SEMA4B: variants seen among roughly 807,000 people sequenced by gnomAD.
SEMA4B encodes semaphorin 4B.
In SEMA4B, 55 loss-of-function variants were observed where a neutral mutation model predicts 88.1. The observed-to-expected ratio is 0.62, with a 90% CI of 0.50 to 0.78. The LOEUF is 0.78. SEMA4B is among the 30% of genes least tolerant of loss of function. The pLI, the probability that SEMA4B is intolerant of heterozygous loss-of-function variation, is 0.00. For synonymous variants in SEMA4B, 525 were observed against 473.6 expected (o/e 1.11, Z -1.41); for missense variants, 1,062 against 1,111.9 (o/e 0.96, Z 0.64).
chr15:90,217,557 A>G lies in SEMA4B; in HGVS notation c.276A>G (p.Ala92=), dbSNP rs370378208. The G allele has an allele frequency of 5.6e-6, 9 of 1,613,822 alleles. No homozygotes were observed. The highest frequency in any genetic ancestry group is 1.3e-5 in the African/African-American group (1 of 74,892). Residue 92 remains alanine (A), a synonymous_variant, in exon 2 of 14, where the codon GCA becomes GCG. Transcript: ENST00000411539. ...LYVGAREALF[A]LSSNLSFLPG... ...TGGGTGCTCGAGAGGCCCTCTTTGC[A>G]CTCAGTAGCAACCTCAGCTTCCTGC...
chr15:90,186,934 A>T (rs1960183480), intron 1 of SEMA4B, among the ~76,000 whole-genome samples: 1 of 152,134 alleles, frequency 6.6e-6, no homozygotes. Flanking sequence ...CTCCGTCTCA[A>T]AAAATAATAA....
At chr15:90,198,218 G>A (rs899216701), upstream of SEMA4B, among the ~76,000 whole-genome samples, 5 of 152,042 alleles carry the variant, frequency 3.3e-5, no homozygotes, top group African/African-American at 1.2e-4. Context: ...CGCCTGGCTG[G>A]TAAAACTCTT....
intron 1 of SEMA4B, among the ~76,000 whole-genome samples, chr15:90,205,992 A>C (rs1259149730): frequency 6.6e-6 from 1 of 152,146 alleles, no homozygotes; most frequent in East Asian, 1.9e-4. Flanking sequence ...CTTCAGCACA[A>C]CCCACATCCA....
At chr15:90,208,731 CTTAA>C (rs956029993) in intron 1 of SEMA4B, among the ~76,000 whole-genome samples, 17 of 149,804 alleles carry the variant, frequency 1.1e-4, no homozygotes, top group African/African-American at 4.2e-4. Flanking sequence ...ACCTGTCATA[CTTAA>C]TTCTTTTTTT....
At chr15:90,211,987 C>G (rs1961290744) in intron 1 of SEMA4B, among the ~76,000 whole-genome samples, 1 of 152,068 alleles carries the variant, frequency 6.6e-6, no homozygotes, top group Non-Finnish European at 1.5e-5. Flanking sequence ...AGCTAGCTGG[C>G]TGGCCTGGGG....
rs374033545 is a variant in SEMA4B at position 90,225,080 on chromosome 15, G to T, written c.1307G>T (p.Arg436Leu). The T allele has an allele frequency of 4.0e-5, 64 of 1,613,714 alleles. No individual in the cohort carries two copies. In the Middle Eastern group the frequency reaches 1.3e-3, roughly 33 times the overall value. The change falls in exon 10 of 14, where the codon CGC becomes CTC. Residue 436 changes from arginine to leucine, a missense_variant. Coordinates refer to ENST00000411539, the MANE Select transcript of SEMA4B (RefSeq NM_198925.4). ...HFLMDGQVRS[R>L]MLLLQPQARY... ...CTGATGGACGGGCAGGTCCGAAGCC[G>T]CATGCTGCTGCTGCAGCCCCAGGCT...
rs898527487 is a variant in SEMA4B, at chr15:90,219,908, C to T, written c.483+17C>T. The T allele has an allele frequency of 5.7e-6, 9 of 1,590,666 alleles. No homozygotes were observed. Among genetic ancestry groups the T allele is most frequent in the African/African-American group, 2.7e-5 (2 of 74,488 alleles). ...ACCTACATCGTGAGTGACCTGTCCT[C>T]AGCCCTGAGGCTGACCTGGGAACTG... On this transcript the variant is annotated intron_variant, in intron 4 of 13. Coordinates refer to ENST00000411539, the MANE Select transcript of SEMA4B (RefSeq NM_198925.4).
At chr15:90,209,885 G>T (rs1194438219) in intron 1 of SEMA4B, among the ~76,000 whole-genome samples, 1 of 152,184 alleles carries the variant, frequency 6.6e-6, no homozygotes, top group East Asian at 1.9e-4. Context: ...CGAACCAAGA[G>T]GTGGGTGGGT....
chr15:90,194,720 T>G (rs1002262525), intron 1 of SEMA4B, among the ~76,000 whole-genome samples: 1 of 152,114 alleles, frequency 6.6e-6, no homozygotes, highest in Non-Finnish European at 1.5e-5. Context: ...TTTTGTTTAA[T>G]CACTCAAAAT....
chr15:90,192,065 G>A (rs1960360382), intron 1 of SEMA4B: 1 of 152,938 alleles, frequency 6.5e-6, no homozygotes, highest in Admixed American at 6.5e-5. Context: ...CAAGGGGATG[G>A]TGGTGGGGGG....
chr15:90,225,883 G>C (rs994651282), intron 12 of SEMA4B, 56 bp downstream of exon 12: 51 of 1,394,648 alleles, frequency 3.7e-5, no homozygotes, highest in Non-Finnish European at 4.6e-5. Context: ...GGTGACCTCG[G>C]AGCACCATCC....
upstream of SEMA4B, chr15:90,201,186 G>A (rs1960694028): frequency 7.8e-6 from 3 of 385,756 alleles, no homozygotes; most frequent in Non-Finnish European, 1.1e-5. Flanking sequence ...CGGCCGCCGG[G>A]GCTACTGATC....
At chr15:90,221,878 T>G in intron 7 of SEMA4B, 113 bp downstream of exon 7, 1 of 923,040 alleles carries the variant, frequency 1.1e-6, no homozygotes, top group Non-Finnish European at 1.6e-6. Flanking sequence ...GAGTACAGCT[T>G]GGCTAACAGC....
At chr15:90,223,198 G>A (rs1388595715) in intron 7 of SEMA4B, among the ~76,000 whole-genome samples, 1 of 151,878 alleles carries the variant, frequency 6.6e-6, no homozygotes, top group Admixed American at 6.6e-5. Flanking sequence ...ACCCGCCTTG[G>A]CCTCCCAAAG....
At position 90,219,720 on chromosome 15, in the gene SEMA4B, G is replaced by GT. The variant is rs1555423233; in HGVS notation, c.385-73_385-72insT. The GT allele has an allele frequency of 7.2e-6, 8 of 1,104,100 alleles. No individual in the cohort carries two copies. In the Admixed American group the frequency reaches 1.2e-4, roughly 16 times the overall value. The allele number at this position is 1,104,100 out of a possible 1,614,324, so 68.4% of individuals were successfully genotyped here. Reference sequence around the variant, plus strand: ...GCAGAGGCCGGGCCTGGGTGTGGAAGGGGGGGCTCGGCGGTGCCCCCTGGT... The same window carrying GT: ...GCAGAGGCCGGGCCTGGGTGTGGAAGTGGGGGGCTCGGCGGTGCCCCCTGGT... On this transcript the variant is annotated intron_variant, in intron 3 of 13. Coordinates refer to ENST00000411539, the MANE Select transcript of SEMA4B (RefSeq NM_198925.4).
chr15:90,206,808 A>C, intron 1 of SEMA4B: 1 of 736,962 alleles, frequency 1.4e-6, no homozygotes, highest in South Asian at 1.4e-5. Context: ...ATTAAGGTTG[A>C]TGACAAAAGA....
At chr15:90,189,536 C>T (rs1288211620) in intron 1 of SEMA4B, among the ~76,000 whole-genome samples, 2 of 152,160 alleles carry the variant, frequency 1.3e-5, no homozygotes, top group Non-Finnish European at 2.9e-5. Flanking sequence ...ATAGTAGGTG[C>T]TCAATAAATA....
chr15:90,222,142 G>A (rs1299370661), intron 7 of SEMA4B, among the ~76,000 whole-genome samples: 2 of 149,628 alleles, frequency 1.3e-5, no homozygotes, highest in South Asian at 2.1e-4. Flanking sequence ...GTTTTACCAC[G>A]TTGCCTGGGC....
At chr15:90,194,844 G>A (rs1438787102) in intron 1 of SEMA4B, among the ~76,000 whole-genome samples, 6 of 152,090 alleles carry the variant, frequency 3.9e-5, no homozygotes, top group Admixed American at 6.6e-5. Context: ...ACATATATAT[G>A]CACATTTGTT....
Sources: allele counts gnomAD v4.1 joint callset (sites outside exome capture counted in the v4.1 genomes callset), GRCh38; gene constraint gnomAD v4.1.1; transcripts MANE v1.5; gene names NCBI Gene and HGNC (gene_info 2026-07-23, HGNC 2026-07-21).